The following GAREM1 variants were observed in gnomAD, a reference collection of about 807,000 sequenced individuals.
GAREM1 encodes GRB2-associated and regulator of MAPK protein 1.
Under a neutral mutation model 71.3 loss-of-function variants are expected in GAREM1, and 26 were observed. That is an observed-to-expected ratio of 0.36 (90% CI 0.27 to 0.51). The LOEUF is 0.51. Ranked by LOEUF, GAREM1 falls within the 20% of genes least tolerant of loss-of-function variation. GAREM1 has a pLI of 0.95. For synonymous variants in GAREM1, 440 were observed against 433.2 expected (o/e 1.02, Z -0.20); for missense variants, 1,026 against 1,103.1 (o/e 0.93, Z 0.99).
chr18:32,458,421 TATC>T (rs1568019418), intron 1 of GAREM1, among the ~76,000 whole-genome samples: 3 of 152,098 alleles, frequency 2.0e-5, no homozygotes, highest in African/African-American at 7.2e-5. Context: ...ACAGTGAACA[TATC>T]ATATCTAAAT....
At chr18:32,448,854 G>A (rs2048807501) in intron 1 of GAREM1, among the ~76,000 whole-genome samples, 1 of 152,176 alleles carries the variant, frequency 6.6e-6, no homozygotes, top group East Asian at 1.9e-4. Context: ...TCTTCAGTGA[G>A]TAATCCCCAA....
intron 1 of GAREM1, among the ~76,000 whole-genome samples, chr18:32,447,419 C>A (rs1482439159): frequency 3.3e-5 from 5 of 152,134 alleles, no homozygotes; most frequent in Non-Finnish European, 2.9e-5. Context: ...AAATAAATTT[C>A]TGAGTCACAG....
chr18:32,420,835 G>T (rs977728050), intron 1 of GAREM1, among the ~76,000 whole-genome samples: 3 of 151,912 alleles, frequency 2.0e-5, no homozygotes, highest in Admixed American at 2.0e-4. Flanking sequence ...TCATAAACAT[G>T]AACGTTCTCT....
intron 1 of GAREM1, among the ~76,000 whole-genome samples, chr18:32,401,479 C>G (rs969302382): frequency 6.6e-6 from 1 of 151,784 alleles, no homozygotes; most frequent in Non-Finnish European, 1.5e-5. Flanking sequence ...GAGCAGAGAT[C>G]GAGACTTCAG....
chr18:32,296,396 C>T (rs1462813967), intron 3 of GAREM1, among the ~76,000 whole-genome samples: 1 of 152,212 alleles, frequency 6.6e-6, no homozygotes, highest in East Asian at 1.9e-4. Context: ...AAGAAATTCA[C>T]ATTAGTACAA....
intron 1 of GAREM1, among the ~76,000 whole-genome samples, chr18:32,446,225 T>TGA (rs2048784755): frequency 1.0e-5 from 1 of 96,374 alleles, no homozygotes; most frequent in African/African-American, 4.8e-5. Context: ...TTCCCCATAG[T>TGA]GTGTGTGTGT....
chr18:32,271,386 T>C (rs1383283344), intron 4 of GAREM1, among the ~76,000 whole-genome samples: 1 of 151,948 alleles, frequency 6.6e-6, no homozygotes, highest in East Asian at 1.9e-4. Flanking sequence ...AGAGTCGGGG[T>C]TTGACGATGT....
At chr18:32,449,526 T>A (rs1219838173) in intron 1 of GAREM1, among the ~76,000 whole-genome samples, 1 of 151,680 alleles carries the variant, frequency 6.6e-6, no homozygotes, top group Admixed American at 6.6e-5. Context: ...CATATATATT[T>A]AAAAAAAATT....
chr18:32,399,851 G>A (rs1164986961), intron 1 of GAREM1, among the ~76,000 whole-genome samples: 2 of 152,180 alleles, frequency 1.3e-5, no homozygotes, highest in East Asian at 3.8e-4. Flanking sequence ...CCAAAAAAGA[G>A]CCTGCACTGT....
intron 1 of GAREM1, among the ~76,000 whole-genome samples, chr18:32,394,843 G>GGT (rs1360338175): frequency 2.6e-5 from 4 of 152,274 alleles, no homozygotes; most frequent in Non-Finnish European, 5.9e-5. Context: ...TACCCACCAT[G>GGT]GTGTGGTCTT....
At chr18:32,409,777 C>A (rs573820961) in intron 1 of GAREM1, among the ~76,000 whole-genome samples, 1 of 152,100 alleles carries the variant, frequency 6.6e-6, no homozygotes. Flanking sequence ...AAGATTTCTA[C>A]GCCAAGCAAC....
At position 32,324,088 on chromosome 18, in the gene GAREM1, A is replaced by G. The variant is rs186502192; in HGVS notation, c.263-13765T>C. 2.6e-5 allele frequency among the ~76,000 whole-genome samples: 4 copies of G among 152,356 alleles called. No homozygotes were observed. The East Asian group carries it at 5.8e-4, about 22-fold the overall frequency. On this transcript the variant is annotated intron_variant, in intron 2 of 5. Transcript: ENST00000269209. Reference sequence around the variant, plus strand: ...ACACAGATGGACAAAAGATTGACATATGCAACACAAACAGACCCTAAAGCT... The same window carrying G: ...ACACAGATGGACAAAAGATTGACATGTGCAACACAAACAGACCCTAAAGCT...
chr18:32,381,621 C>G (rs1452138593), intron 2 of GAREM1, among the ~76,000 whole-genome samples: 1 of 152,112 alleles, frequency 6.6e-6, no homozygotes, highest in African/African-American at 2.4e-5. Flanking sequence ...GTTCTTCTAC[C>G]TGCAATTTCT....
intron 1 of GAREM1, among the ~76,000 whole-genome samples, chr18:32,439,686 G>T (rs889650958): frequency 6.6e-6 from 1 of 151,664 alleles, no homozygotes; most frequent in Non-Finnish European, 1.5e-5. Flanking sequence ...TTAAAAGTGG[G>T]GTTATTTCTG....
At chr18:32,353,657 C>T (rs946018734) in intron 2 of GAREM1, among the ~76,000 whole-genome samples, 1 of 152,102 alleles carries the variant, frequency 6.6e-6, no homozygotes, top group Admixed American at 6.6e-5. Flanking sequence ...AAAGATGAGT[C>T]ATAAAAGGAG....
intron 1 of GAREM1, among the ~76,000 whole-genome samples, chr18:32,455,028 C>T (rs1471220993): frequency 1.3e-5 from 2 of 152,154 alleles, no homozygotes; most frequent in Non-Finnish European, 2.9e-5. Flanking sequence ...CTTTTAAACA[C>T]GCACAACTCC....
intron 1 of GAREM1, among the ~76,000 whole-genome samples, chr18:32,398,961 G>C (rs942361125): frequency 3.9e-5 from 6 of 152,030 alleles, no homozygotes; most frequent in African/African-American, 1.4e-4. Context: ...CAAAAAGAAG[G>C]CTTATCCACC....
chr18:32,311,706 T>C (rs927419786), intron 2 of GAREM1, among the ~76,000 whole-genome samples: 7 of 152,214 alleles, frequency 4.6e-5, no homozygotes, highest in African/African-American at 1.4e-4. Flanking sequence ...CTGCCTGGCA[T>C]GCTGCCACTA....
At chr18:32,405,923 T>A (rs1003221577) in intron 1 of GAREM1, among the ~76,000 whole-genome samples, 5 of 152,252 alleles carry the variant, frequency 3.3e-5, no homozygotes, top group Non-Finnish European at 7.3e-5. Context: ...TGATGTGTTG[T>A]AGTTTTCTTT....
Sources: gnomAD v4.1 joint callset for allele counts (sites outside exome capture counted in the v4.1 genomes callset) on GRCh38, gnomAD v4.1.1 for gene constraint, MANE v1.5 for transcripts, NCBI Gene and HGNC (gene_info 2026-07-23, HGNC 2026-07-21) for gene names.